Variants in HNMT observed in about 807,000 individuals in gnomAD.
HNMT encodes histamine N-methyltransferase.
In HNMT, 30 loss-of-function variants were observed where a neutral mutation model predicts 32.1. The ratio of observed to expected loss-of-function variants is 0.93; its 90% confidence interval spans 0.70 to 1.27. The LOEUF (loss-of-function observed/expected upper bound fraction) is 1.27, where lower values mean the gene tolerates loss of function less well. Among genes scored for constraint, HNMT ranks in the 50% most tolerant of loss-of-function variants. The pLI is 0.00. For synonymous variants in HNMT, 125 were observed against 119.0 expected (o/e 1.05, Z -0.33); for missense variants, 327 against 346.0 (o/e 0.95, Z 0.43).
At position 137,964,598 on chromosome 2, in the gene HNMT, T is replaced by A; in HGVS notation, c.107T>A (p.Met36Lys). The A allele has an allele frequency of 6.2e-7, 1 of 1,613,822 alleles. No individual in the cohort carries two copies. The highest frequency in any genetic ancestry group is 8.5e-7 in the Non-Finnish European group (1 of 1,179,802). ...STEHQCMQEFMDKKLPGIIGR... is the reference protein window; with the variant it reads ...STEHQCMQEFKDKKLPGIIGR... ...GAACACCAGTGCATGCAGGAATTCA[T>A]GGACAAGAAGCTGCCAGGCATAATA... is the stretch of plus-strand genomic sequence containing the variant. The change falls in exon 1 of 6, where the codon ATG becomes AAG. Residue 36 changes from methionine (M) to lysine (K), a missense_variant. By Grantham distance (95) the Met-to-Lys change is moderately conservative (BLOSUM62 -1). Coordinates refer to ENST00000280097, the MANE Select transcript of HNMT (RefSeq NM_006895.3).
At chr2:137,987,146 G>A (rs1372362761) in intron 2 of HNMT, among the ~76,000 whole-genome samples, 6 of 151,990 alleles carry the variant, frequency 3.9e-5, no homozygotes, top group African/African-American at 1.2e-4. Flanking sequence ...TTCTTAATAG[G>A]GCTTTTGTTA....
chr2:137,967,325 T>C (rs1679989956), intron 1 of HNMT: 3 of 523,134 alleles, frequency 5.7e-6, no homozygotes. Context: ...ATCACTTAAG[T>C]CCGAGAGATC....
intron 4 of HNMT, 64 bp from the exon 5 acceptor site, chr2:138,005,068 T>C (rs1681289175): frequency 3.4e-6 from 3 of 876,466 alleles, no homozygotes. Flanking sequence ...TAGGAGTATC[T>C]AGCCCAAGCA....
chr2:138,010,718 C>T (rs1057386060), intron 5 of HNMT, among the ~76,000 whole-genome samples: 1 of 151,742 alleles, frequency 6.6e-6, no homozygotes, highest in African/African-American at 2.4e-5. Flanking sequence ...AGTAGAAGTT[C>T]CTGATAATGG....
chr2:137,972,013 G>C (rs1027948392), intron 2 of HNMT, among the ~76,000 whole-genome samples: 7 of 152,274 alleles, frequency 4.6e-5, no homozygotes, highest in African/African-American at 1.7e-4. Flanking sequence ...AAGTGTTCTA[G>C]TGCCCCATGA....
At chr2:137,993,076 C>T in intron 2 of HNMT, among the ~76,000 whole-genome samples, 1 of 152,272 alleles carries the variant, frequency 6.6e-6, no homozygotes, top group South Asian at 2.1e-4. Context: ...CAAAACTAGA[C>T]AAACTCACGA....
intron 2 of HNMT, among the ~76,000 whole-genome samples, chr2:137,993,449 A>G (rs1456416819): frequency 6.6e-6 from 1 of 151,858 alleles, no homozygotes; most frequent in African/African-American, 2.4e-5. Flanking sequence ...GGAAGAAAGA[A>G]TATCAGAGTC....
chr2:138,001,365 A>C (rs776820533), intron 3 of HNMT, among the ~76,000 whole-genome samples: 2 of 152,188 alleles, frequency 1.3e-5, no homozygotes, highest in Non-Finnish European at 1.5e-5. Flanking sequence ...AAAGTTCACA[A>C]ACTTTTCCTG....
At position 137,996,574 on chromosome 2, in the gene HNMT, A is replaced by G. The variant is rs560831946; in HGVS notation, c.191-4344A>G. Among the ~76,000 whole-genome samples, 97 of 152,336 alleles carry G rather than the reference A, an allele frequency of 6.4e-4. 1 individual carries two copies. In the South Asian group the frequency reaches 0.019, roughly 31 times the overall value. ...ATCCTCATGGATAAGAAGAATCAAT[A>G]TTATGAAAATGACCATACTGCCCAA... On this transcript the variant is annotated intron_variant, in intron 2 of 5. Transcript: ENST00000280097.
intron 2 of HNMT, among the ~76,000 whole-genome samples, chr2:137,993,008 C>G (rs532276235): frequency 6.6e-6 from 1 of 152,250 alleles, no homozygotes; most frequent in African/African-American, 2.4e-5. Flanking sequence ...GCATCAACAA[C>G]AAGAACAACA....
rs1680080089 is a variant in HNMT, at chr2:137,970,208, G to A, written c.181G>A (p.Gly61Arg). 6.4e-6 allele frequency: 10 copies of A among 1,557,938 alleles called. No individual in the cohort carries two copies. Among genetic ancestry groups the A allele is most frequent in the South Asian group, 2.3e-5 (2 of 86,532 alleles). ...KSEIKILSIG[G>R]GAGEIDLQIL... ...AGAAATTAAGATTCTAAGCATAGGC[G>A]GAGGTGCAGGTATGAGTAATATATT... Residue 61 changes from glycine (G) to arginine (R), a missense_variant, in exon 2 of 6, where the codon GGA becomes AGA. Gly to Arg is a moderately radical substitution (Grantham distance 125). Transcript: ENST00000280097.
chr2:138,002,746 CTTTAA>C (rs1681213551), intron 4 of HNMT: 2 of 942,160 alleles, frequency 2.1e-6, no homozygotes, highest in Admixed American at 6.2e-5. Context: ...TGCACCCAGT[CTTTAA>C]TTTATTTTTA....
At chr2:137,980,339 G>A (rs1680453225) in intron 2 of HNMT, among the ~76,000 whole-genome samples, 1 of 152,130 alleles carries the variant, frequency 6.6e-6, no homozygotes, top group African/African-American at 2.4e-5. Context: ...GCCCGGTCCT[G>A]TAACAGTTTT....
chr2:137,983,481 C>T (rs1002709125), intron 2 of HNMT, among the ~76,000 whole-genome samples: 1 of 151,734 alleles, frequency 6.6e-6, no homozygotes, highest in Non-Finnish European at 1.5e-5. Flanking sequence ...AAAAAAATTC[C>T]CCCTCAACCC....
At chr2:137,977,695 A>C (rs1334160613) in intron 2 of HNMT, among the ~76,000 whole-genome samples, 1 of 152,172 alleles carries the variant, frequency 6.6e-6, no homozygotes, top group Non-Finnish European at 1.5e-5. Flanking sequence ...TTACAGTGAT[A>C]TGGAAGTTTT....
chr2:137,989,388 T>C (rs1252065512), intron 2 of HNMT, among the ~76,000 whole-genome samples: 2 of 152,240 alleles, frequency 1.3e-5, no homozygotes, highest in Admixed American at 1.3e-4. Context: ...TTCTTCCATG[T>C]CTTTTCATGG....
chr2:137,995,500 G>A (rs1231799091), intron 2 of HNMT, among the ~76,000 whole-genome samples: 1 of 152,100 alleles, frequency 6.6e-6, no homozygotes, highest in Non-Finnish European at 1.5e-5. Context: ...CCAATAACAA[G>A]TTCTGAAATT....
chr2:137,985,591 C>T (rs149984517), intron 2 of HNMT, among the ~76,000 whole-genome samples: 2 of 152,302 alleles, frequency 1.3e-5, no homozygotes, highest in African/African-American at 4.8e-5. Flanking sequence ...TGCATTCATG[C>T]ATCCGTCTAA....
intron 2 of HNMT, among the ~76,000 whole-genome samples, chr2:137,989,903 G>T (rs901765074): frequency 1.1e-4 from 16 of 152,118 alleles, no homozygotes; most frequent in Non-Finnish European, 1.5e-4. Flanking sequence ...CTTTGGTGAG[G>T]TGTTTAGGTC....
Sources: gnomAD v4.1 joint callset for allele counts (sites outside exome capture counted in the v4.1 genomes callset) on GRCh38, gnomAD v4.1.1 for gene constraint, MANE v1.5 for transcripts, NCBI Gene and HGNC (gene_info 2026-07-23, HGNC 2026-07-21) for gene names.